Variants in GABRA2 observed in about 807,000 individuals in gnomAD.
GABRA2 encodes the protein gamma-aminobutyric acid type A receptor subunit alpha2, also known as gamma-aminobutyric acid receptor subunit alpha-2.
GABRA2 carries 16 observed loss-of-function variants against 48.7 expected under a neutral mutation model. The ratio of observed to expected loss-of-function variants is 0.33; its 90% CI spans 0.22 to 0.50. The LOEUF is 0.50. Among genes scored for constraint, GABRA2 ranks in the 20% least tolerant of loss-of-function variants. The pLI, the probability that GABRA2 is intolerant of heterozygous loss-of-function variation, is 0.98. For synonymous variants in GABRA2, 185 were observed against 184.5 expected, an observed-to-expected ratio of 1.00 and a Z score of -0.02; for missense variants, 275 against 535.6, an observed-to-expected ratio of 0.51 and a Z score of 4.80.
intron 8 of GABRA2, among the ~76,000 whole-genome samples, chr4:46,267,094 G>A (rs1718399656): frequency 6.6e-6 from 1 of 151,892 alleles, no homozygotes; most frequent in South Asian, 2.1e-4. Context: ...GTGTTGATAT[G>A]CTTGATGATG....
chr4:46,322,462 G>A (rs1022649341), intron 4 of GABRA2, among the ~76,000 whole-genome samples: 2 of 151,460 alleles, frequency 1.3e-5, no homozygotes, highest in African/African-American at 2.4e-5. Flanking sequence ...ACACACCCAC[G>A]CCCCAACACA....
intron 3 of GABRA2, among the ~76,000 whole-genome samples, chr4:46,360,299 A>G (rs372648401): frequency 1.3e-5 from 2 of 152,194 alleles, no homozygotes; most frequent in South Asian, 2.1e-4. Context: ...CATAATTCCC[A>G]GTTTTCTTGG....
At chr4:46,334,580 T>C (rs1009788268) in intron 3 of GABRA2, among the ~76,000 whole-genome samples, 2 of 152,140 alleles carry the variant, frequency 1.3e-5, no homozygotes, top group South Asian at 2.1e-4. Flanking sequence ...AATGTGTGAA[T>C]GTATTGATGC....
intron 3 of GABRA2, among the ~76,000 whole-genome samples, chr4:46,336,238 G>A (rs1311606020): frequency 2.0e-5 from 3 of 152,054 alleles, no homozygotes; most frequent in African/African-American, 7.2e-5. Context: ...TTTAAAAATG[G>A]TCATGCATAG....
chr4:46,261,674 A>G (rs1427783552), intron 9 of GABRA2: 10 of 571,444 alleles, frequency 1.7e-5, no homozygotes, highest in Non-Finnish European at 3.1e-6. Flanking sequence ...GTGAGAGAGC[A>G]TATGTAAAAC....
At chr4:46,390,196 C>G, upstream of GABRA2, 1 of 77,664 alleles carries the variant, frequency 1.3e-5, no homozygotes, top group Non-Finnish European at 3.0e-5. Flanking sequence ...CCCCCCCTCC[C>G]CCCCCTCCCC....
At chr4:46,310,603 G>T (rs928606940) in intron 5 of GABRA2, among the ~76,000 whole-genome samples, 6 of 152,200 alleles carry the variant, frequency 3.9e-5, no homozygotes, top group African/African-American at 1.2e-4. Flanking sequence ...ATCATTAAAA[G>T]AATGCTATTG....
chr4:46,358,077 C>T (rs1178876551), intron 3 of GABRA2, among the ~76,000 whole-genome samples: 4 of 152,006 alleles, frequency 2.6e-5, no homozygotes, highest in South Asian at 4.1e-4. Context: ...TACAGTGTTT[C>T]CTGGACATAG....
At chr4:46,300,791 C>G (rs1244907956) in intron 8 of GABRA2, among the ~76,000 whole-genome samples, 1 of 152,024 alleles carries the variant, frequency 6.6e-6, no homozygotes, top group Admixed American at 6.5e-5. Context: ...TTCACCAAAT[C>G]CATTGATACC....
intron 4 of GABRA2, among the ~76,000 whole-genome samples, chr4:46,323,957 G>A (rs1031111950): frequency 1.3e-5 from 2 of 152,018 alleles, no homozygotes; most frequent in Non-Finnish European, 2.9e-5. Flanking sequence ...CATGTTCAGG[G>A]AACAGTGAGA....
chr4:46,366,550 C>T (rs1714068687), intron 3 of GABRA2: 1 of 152,006 alleles, frequency 6.6e-6, no homozygotes, highest in Non-Finnish European at 1.5e-5. Context: ...ATATCCATGC[C>T]ATCACAAAAT....
chr4:46,344,258 C>T (rs1733779907), intron 3 of GABRA2, among the ~76,000 whole-genome samples: 1 of 151,848 alleles, frequency 6.6e-6, no homozygotes, highest in Non-Finnish European at 1.5e-5. Flanking sequence ...GAGATTAGTG[C>T]TACAAAGGCA....
At chr4:46,278,287 C>T (rs1720888790) in intron 8 of GABRA2, among the ~76,000 whole-genome samples, 1 of 152,046 alleles carries the variant, frequency 6.6e-6, no homozygotes, top group African/African-American at 2.4e-5. Context: ...ATTTAAGAAA[C>T]CCTTCACACA....
At chr4:46,254,373 G>A (rs1715401561) in intron 9 of GABRA2, among the ~76,000 whole-genome samples, 1 of 151,478 alleles carries the variant, frequency 6.6e-6, no homozygotes, top group African/African-American at 2.4e-5. Flanking sequence ...ATTAAAAACA[G>A]TACTCATTTC....
At chr4:46,364,632 G>A (rs568137325) in intron 3 of GABRA2, 2 of 152,296 alleles carry the variant, frequency 1.3e-5, no homozygotes, top group Admixed American at 1.3e-4. Context: ...TTCCCTGCTG[G>A]CTGTCAAGTC....
At chr4:46,344,111 A>G (rs757207945) in intron 3 of GABRA2, among the ~76,000 whole-genome samples, 2 of 152,024 alleles carry the variant, frequency 1.3e-5, no homozygotes, top group Non-Finnish European at 2.9e-5. Flanking sequence ...TGGAATACAC[A>G]CCAAGAAATA....
chr4:46,278,795 G>A (rs1000433609), intron 8 of GABRA2, among the ~76,000 whole-genome samples: 6 of 151,896 alleles, frequency 4.0e-5, no homozygotes, highest in South Asian at 2.1e-4. Flanking sequence ...TAACTAGTTG[G>A]GAGGAAAAAG....
chr4:46,297,087 GTGATGGTTAATAC>G (rs1724857929), intron 8 of GABRA2, among the ~76,000 whole-genome samples: 1 of 152,068 alleles, frequency 6.6e-6, no homozygotes, highest in Non-Finnish European at 1.5e-5. Context: ...CGGTGGACTT[GTGATGGTTAATAC>G]TGAGTGTCAA....
chr4:46,289,095 C>A (rs1723100993), intron 8 of GABRA2, among the ~76,000 whole-genome samples: 1 of 152,062 alleles, frequency 6.6e-6, no homozygotes, highest in Non-Finnish European at 1.5e-5. Flanking sequence ...AAAGCTTATG[C>A]ACTGTTGGTG....
Sources: allele counts gnomAD v4.1 joint callset (sites outside exome capture counted in the v4.1 genomes callset), GRCh38; gene constraint gnomAD v4.1.1; transcripts MANE v1.5; gene names NCBI Gene and HGNC (gene_info 2026-07-23, HGNC 2026-07-21).